Variants in ULK4 observed in about 807,000 individuals in gnomAD.
ULK4 encodes unc-51 like kinase 4.
Under a neutral mutation model 160.6 loss-of-function variants are expected in ULK4, and 133 were observed. The ratio of observed to expected loss-of-function variants is 0.83; its 90% confidence interval spans 0.72 to 0.96. ULK4 has a LOEUF of 0.96. Ranked by LOEUF, ULK4 falls within the 40% of genes least tolerant of loss-of-function variation. The pLI is 0.00. For synonymous variants in ULK4, 534 were observed against 539.8 expected, an observed-to-expected ratio of 0.99 and a Z score of 0.15; for missense variants, 1,580 against 1,499.5, an observed-to-expected ratio of 1.05 and a Z score of -0.89.
chr3:41,511,180 AAAAAG>A (rs1442171829), intron 32 of ULK4, among the ~76,000 whole-genome samples: 20 of 148,072 alleles, frequency 1.4e-4, no homozygotes, highest in Admixed American at 1.4e-4. Flanking sequence ...AAAAAAAAAA[AAAAAG>A]TCTGAAAGAG....
intron 8 of ULK4, 97 bp downstream of exon 8, chr3:41,915,879 GA>G: frequency 1.2e-6 from 1 of 803,236 alleles, no homozygotes; most frequent in Non-Finnish European, 2.0e-6. Context: ...ATAAAAGGGG[GA>G]AAAGATTTCA....
intron 31 of ULK4, among the ~76,000 whole-genome samples, chr3:41,602,679 A>G (rs934876257): frequency 1.1e-4 from 16 of 152,310 alleles, no homozygotes; most frequent in Middle Eastern, 3.4e-3. Flanking sequence ...AAAATGAGCC[A>G]TAATCATATA....
intron 17 of ULK4, among the ~76,000 whole-genome samples, chr3:41,872,214 G>T (rs1280047157): frequency 6.6e-6 from 1 of 152,060 alleles, no homozygotes; most frequent in Admixed American, 6.5e-5. Context: ...TCTTTACTTG[G>T]TGAGACTTCA....
intron 34 of ULK4, among the ~76,000 whole-genome samples, chr3:41,452,683 T>C (rs1056851172): frequency 3.9e-5 from 6 of 152,124 alleles, no homozygotes; most frequent in African/African-American, 1.4e-4. Flanking sequence ...TTTTTGTCCA[T>C]TTATGTGTTT....
At chr3:41,614,904 C>A (rs187032383) in intron 31 of ULK4, among the ~76,000 whole-genome samples, 1 of 152,276 alleles carries the variant, frequency 6.6e-6, no homozygotes, top group African/African-American at 2.4e-5. Flanking sequence ...TGGGGAAGTG[C>A]CCCCTCTGTT....
intron 32 of ULK4, among the ~76,000 whole-genome samples, chr3:41,519,047 C>A (rs1439458738): frequency 6.6e-6 from 1 of 152,214 alleles, no homozygotes; most frequent in Non-Finnish European, 1.5e-5. Flanking sequence ...CCACCTCCCA[C>A]CCCTGCTGGA....
At chr3:41,570,077 G>GAC (rs899149496) in intron 31 of ULK4, among the ~76,000 whole-genome samples, 40 of 152,284 alleles carry the variant, frequency 2.6e-4, no homozygotes, top group African/African-American at 9.1e-4. Flanking sequence ...CTCTTGATTG[G>GAC]ACACGTGGTT....
At chr3:41,902,569 C>T (rs1698410393) in intron 12 of ULK4, among the ~76,000 whole-genome samples, 2 of 129,054 alleles carry the variant, frequency 1.5e-5, no homozygotes, top group African/African-American at 6.0e-5. Flanking sequence ...CAAAGCGAGA[C>T]TCCACCAAAA....
At chr3:41,537,041 T>G (rs904938455) in intron 32 of ULK4, among the ~76,000 whole-genome samples, 2 of 152,354 alleles carry the variant, frequency 1.3e-5, no homozygotes, top group South Asian at 4.1e-4. Context: ...TTGCTGACAC[T>G]GCTTCTTCTA....
chr3:41,755,351 CAT>C (rs2038765055), intron 21 of ULK4, among the ~76,000 whole-genome samples: 1 of 152,094 alleles, frequency 6.6e-6, no homozygotes, highest in African/African-American at 2.4e-5. Context: ...GAAGAATTTA[CAT>C]AGTCATGTAT....
At chr3:41,744,499 T>C (rs749820426) in intron 22 of ULK4, among the ~76,000 whole-genome samples, 1 of 151,786 alleles carries the variant, frequency 6.6e-6, no homozygotes, top group Admixed American at 6.6e-5. Context: ...TAAGAAAACA[T>C]AATACCCTAA....
At chr3:41,598,426 A>G (rs954441397) in intron 31 of ULK4, among the ~76,000 whole-genome samples, 1 of 152,228 alleles carries the variant, frequency 6.6e-6, no homozygotes, top group African/African-American at 2.4e-5. Flanking sequence ...AACATATGTA[A>G]GCAATCTTCC....
At chr3:41,432,455 G>A (rs1472384883) in intron 34 of ULK4, among the ~76,000 whole-genome samples, 3 of 152,058 alleles carry the variant, frequency 2.0e-5, no homozygotes, top group Admixed American at 6.5e-5. Flanking sequence ...TAAAAAGAAG[G>A]CTCTTCTGTG....
intron 34 of ULK4, among the ~76,000 whole-genome samples, chr3:41,432,826 C>A (rs1479604108): frequency 2.0e-5 from 3 of 151,936 alleles, no homozygotes; most frequent in Non-Finnish European, 4.4e-5. Flanking sequence ...TACCAACATA[C>A]CACTACATAG....
At chr3:41,647,149 T>C (rs893778801) in intron 30 of ULK4, among the ~76,000 whole-genome samples, 1 of 152,238 alleles carries the variant, frequency 6.6e-6, no homozygotes, top group Admixed American at 6.5e-5. Context: ...TTTTCTCCTG[T>C]AGCTCGGAGT....
chr3:41,433,094 T>C (rs1372249592), intron 34 of ULK4, among the ~76,000 whole-genome samples: 1 of 152,064 alleles, frequency 6.6e-6, no homozygotes, highest in Non-Finnish European at 1.5e-5. Context: ...CTATTTGTTG[T>C]GAAAAAAGGA....
intron 7 of ULK4, among the ~76,000 whole-genome samples, chr3:41,917,312 A>T (rs2148810048): frequency 6.6e-6 from 1 of 152,130 alleles, no homozygotes; most frequent in African/African-American, 2.4e-5. Flanking sequence ...AAGACAAGCT[A>T]GGCTACATAC....
intron 1 of ULK4, among the ~76,000 whole-genome samples, chr3:41,955,980 G>A (rs775229426): frequency 6.6e-6 from 1 of 152,130 alleles, no homozygotes; most frequent in Admixed American, 6.6e-5. Flanking sequence ...AGGGTCTGGA[G>A]GCAGGGAACC....
At chr3:41,570,195 C>T (rs189972643) in intron 31 of ULK4, among the ~76,000 whole-genome samples, 159 of 152,304 alleles carry the variant, frequency 1.0e-3, no homozygotes, top group African/African-American at 3.7e-3. Context: ...TGGGTTTTGC[C>T]ATGTATGCCG....
Sources: allele counts gnomAD v4.1 joint callset (sites outside exome capture counted in the v4.1 genomes callset), GRCh38; gene constraint gnomAD v4.1.1; transcripts MANE v1.5; gene names NCBI Gene and HGNC (gene_info 2026-07-23, HGNC 2026-07-21).